The following RDH8 variants were observed in gnomAD, a reference collection of about 807,000 sequenced individuals.
RDH8 encodes the protein retinol dehydrogenase 8.
A neutral mutation model predicts 22.3 loss-of-function variants in RDH8; 14 were observed. The observed-to-expected ratio is 0.63, with a 90% CI of 0.42 to 0.98. The LOEUF is 0.98. Among genes scored for constraint, RDH8 ranks in the 50% least tolerant of loss-of-function variants. The pLI is 0.00. For missense variants in RDH8, 389 were observed against 409.8 expected, an observed-to-expected ratio of 0.95 and a Z score of 0.44; for synonymous variants, 175 against 171.7, an observed-to-expected ratio of 1.02 and a Z score of -0.15.
chr19:10,021,983 G>A lies in RDH8; in HGVS notation c.*234G>A. The A allele has an allele frequency of 1.8e-6, 1 of 561,566 alleles. No individual in the cohort carries two copies. The highest frequency in any genetic ancestry group is 3.1e-6 in the Non-Finnish European group (1 of 318,388). The allele number at this position is 561,566 out of a possible 1,614,324, so 34.8% of individuals were successfully genotyped here. On this transcript the variant is annotated 3_prime_UTR_variant, in exon 6 of 6. Coordinates refer to ENST00000591589, the MANE Select transcript of RDH8 (RefSeq NM_015725.4). ...CTGGGAACTTGGCCTGGGAAGCCCA[G>A]AGCAGGAAGCCACAGCTGTCTCTGG...
rs774350797 is a variant in RDH8 at position 10,013,546 on chromosome 19, A to G, written c.49A>G (p.Ile17Val). The G allele has an allele frequency of 1.2e-6, 2 of 1,610,274 alleles. No individual in the cohort carries two copies. The highest frequency in any genetic ancestry group is 3.3e-5 in the Admixed American group (2 of 59,704). ...TVLISGCSSG[I>V]GLELAVQLAH... ...GTTGATCTCCGGCTGCTCATCAGGA[A>G]TTGGTCTGGAACTTGCAGTGCAACT... Residue 17 changes from isoleucine to valine, a missense_variant, in exon 1 of 6, where the codon ATT (isoleucine) becomes GTT (valine). Physicochemically the swap from Ile to Val is conservative, Grantham distance 29. Transcript: ENST00000591589.
chr19:10,020,039 G>A (rs1043307666), intron 3 of RDH8, among the ~76,000 whole-genome samples: 17 of 151,916 alleles, frequency 1.1e-4, no homozygotes, highest in African/African-American at 4.1e-4. Context: ...TACTCAGGAG[G>A]CTGAGGCAGG....
Position 10,020,816 on chromosome 19 carries a change from G to T in RDH8, c.536+14G>T. On this transcript the variant is annotated intron_variant, in intron 4 of 5. Coordinates refer to ENST00000591589, the MANE Select transcript of RDH8 (RefSeq NM_015725.4). ...GTTCAACATCTTGTGAGGCGGGCACGTGGGCAGAGGGGGCTTGGAGCCAGT... is the reference window on the plus strand; with the variant it reads ...GTTCAACATCTTGTGAGGCGGGCACTTGGGCAGAGGGGGCTTGGAGCCAGT... 1 of 1,589,822 alleles carries T rather than the reference G, an allele frequency of 6.3e-7. No homozygotes were observed.
chr19:10,019,805 AAAAT>A (rs1004681953), intron 3 of RDH8, among the ~76,000 whole-genome samples: 2 of 135,962 alleles, frequency 1.5e-5, no homozygotes, highest in Non-Finnish European at 3.1e-5. Flanking sequence ...CTGTCTAAAA[AAAAT>A]AAATAAATAA....
chr19:10,019,849 A>G (rs1362192994), intron 3 of RDH8, among the ~76,000 whole-genome samples: 1 of 151,180 alleles, frequency 6.6e-6, no homozygotes, highest in African/African-American at 2.4e-5. Flanking sequence ...AAAAACAACA[A>G]CAAAACTTTG....
Position 10,022,085 on chromosome 19 carries a change from A to C in RDH8, c.*336A>C. Reference sequence around the variant, plus strand: ...GAAGAGACAGACTCTGCTACATTCAACCTCGTGACTTCATGATCCTGGGCC... The same window carrying C: ...GAAGAGACAGACTCTGCTACATTCACCCTCGTGACTTCATGATCCTGGGCC... On this transcript the variant is annotated 3_prime_UTR_variant, in exon 6 of 6. Transcript: ENST00000591589. The C allele has an allele frequency of 3.5e-6, 1 of 289,624 alleles. No homozygotes were observed. The highest frequency in any genetic ancestry group is 6.5e-6 in the Non-Finnish European group (1 of 153,052). 17.9% of individuals were successfully genotyped at this position (289,624 alleles called of 1,614,324 possible).
intron 1 of RDH8, 43 bp downstream of exon 1, chr19:10,013,643 C>T (rs376678046): frequency 8.7e-6 from 14 of 1,608,296 alleles, no homozygotes; most frequent in South Asian, 4.4e-5. Context: ...CGGGTGGAAA[C>T]GGCTTCCCCA....
intron 3 of RDH8, 26 bp from the exon 4 acceptor site, chr19:10,020,683 A>T (rs1436610491): frequency 6.5e-7 from 1 of 1,537,120 alleles, no homozygotes; most frequent in African/African-American, 1.4e-5. Context: ...ACCCTCAAAG[A>T]GCTCTCCTCC....
chr19:10,017,164 G>T lies in RDH8; in HGVS notation c.211G>T (p.Glu71Ter), dbSNP rs144177019. The T allele has an allele frequency of 1.4e-5, 23 of 1,611,134 alleles. No homozygotes were observed. In the African/African-American group the frequency reaches 1.6e-4, roughly 11 times the overall value. The part of the protein sequence containing the change: ...TVAQLDVCSD[E>*]SVAQCLSCIQ... ...GGCCCAGCTGGACGTGTGCAGTGAT[G>T]AGTCGGTGGCCCAGTGTCTCAGCTG... The change falls in exon 2 of 6, where the codon GAG (glutamate) becomes TAG (stop). Residue 71 changes from glutamate to a stop codon, truncating the protein, a stop_gained. Coordinates refer to ENST00000591589, the MANE Select transcript of RDH8 (RefSeq NM_015725.4). LOFTEE classifies it high-confidence loss of function.
In RDH8 at chr19:10,021,041, T is replaced by A. The variant is rs1455140908; in HGVS notation, c.537-214T>A. The A allele has an allele frequency of 8.0e-6, 5 of 623,564 alleles. No homozygotes were observed. In the African/African-American group the frequency reaches 9.3e-5, roughly 12 times the overall value. The allele number at this position is 623,564 out of a possible 1,614,324, so 38.6% of individuals were successfully genotyped here. The stretch of plus-strand genomic sequence containing the variant: ...TTTAAAAATTAGCCAAGGGTGGTGG[T>A]GTGTGTACCTGCAGTCCCAGCTACT... On this transcript the variant is annotated intron_variant, in intron 4 of 5. Coordinates refer to ENST00000591589, the MANE Select transcript of RDH8 (RefSeq NM_015725.4).
At chr19:10,020,687 C>T (rs2087651392) in intron 3 of RDH8, 22 bp from the exon 4 acceptor site, 2 of 1,561,214 alleles carry the variant, frequency 1.3e-6, no homozygotes, top group Non-Finnish European at 1.8e-6. Flanking sequence ...TCAAAGAGCT[C>T]TCCTCCCTCT....
chr19:10,013,851 G>A lies in RDH8; in HGVS notation c.103+251G>A, dbSNP rs183975595. On this transcript the variant is annotated intron_variant, in intron 1 of 5. Coordinates refer to ENST00000591589, the MANE Select transcript of RDH8 (RefSeq NM_015725.4). ...GACGGGTGTCATGTGGGGAGGAGAG[G>A]GAGAATGGGTGATAAACAGATAAAA... 7.3e-4 allele frequency among the ~76,000 whole-genome samples: 111 copies of A among 152,274 alleles called. No individual in the cohort carries two copies. In the Middle Eastern group the frequency reaches 0.02, roughly 28 times the overall value.
At chr19:10,016,992 C>G (rs2233792) in intron 1 of RDH8, 65 bp from the exon 2 acceptor site, 1 of 1,409,980 alleles carries the variant, frequency 7.1e-7, no homozygotes, top group Non-Finnish European at 9.4e-7. Flanking sequence ...ATCACAGACA[C>G]GTGGCGCCCA....
intron 4 of RDH8, chr19:10,021,047 T>C (rs1177623681): frequency 1.6e-6 from 1 of 629,028 alleles, no homozygotes; most frequent in Non-Finnish European, 2.8e-6. Context: ...GTGGTGTGTG[T>C]ACCTGCAGTC....
At position 10,016,910 on chromosome 19, in the gene RDH8, CT is replaced by C. The variant is rs1310221885; in HGVS notation, c.104-145del. Reference sequence around the variant, plus strand: ...GGAGATGCGTGTACACAAGTGTGCACTTGTTGGCTGAGTGATAAATGTAGGT... The same window carrying C: ...GGAGATGCGTGTACACAAGTGTGCACTGTTGGCTGAGTGATAAATGTAGGT... On this transcript the variant is annotated intron_variant, in intron 1 of 5. Transcript: ENST00000591589. 8.6e-6 allele frequency: 7 copies of C among 817,834 alleles called. No homozygotes were observed. In the Admixed American group the frequency reaches 9.1e-5, roughly 11 times the overall value. The allele number at this position is 817,834 out of a possible 1,614,324, so 50.7% of individuals were successfully genotyped here.
chr19:10,016,161 T>C (rs1212494041), intron 1 of RDH8, among the ~76,000 whole-genome samples: 1 of 138,796 alleles, frequency 7.2e-6, no homozygotes, highest in African/African-American at 2.8e-5. Flanking sequence ...ATTTATTTAT[T>C]TATTTTGAGA....
At chr19:10,018,684 A>T in intron 2 of RDH8, 47 bp from the exon 3 acceptor site, 1 of 1,474,210 alleles carries the variant, frequency 6.8e-7, no homozygotes, top group East Asian at 2.3e-5. Context: ...AAGTAATGCT[A>T]GAAGAGTGAG....
Position 10,020,720 on chromosome 19 carries a change from A to T in RDH8, c.454A>T (p.Asn152Tyr). 1.2e-6 allele frequency: 2 copies of T among 1,609,522 alleles called. No individual in the cohort carries two copies. The highest frequency in any genetic ancestry group is 1.3e-5 in the African/African-American group (1 of 74,972). Residue 152 changes from asparagine (N) to tyrosine (Y), a missense_variant, in exon 4 of 6, where the codon AAC becomes TAC. Asn to Tyr is a moderately radical substitution (Grantham distance 143). Transcript: ENST00000591589. ...TCTGACCCTCACAGGTGTCATCTTCAACGATGTCTATGCAGCTTCCAAGTT... is the reference window on the plus strand; with the variant it reads ...TCTGACCCTCACAGGTGTCATCTTCTACGATGTCTATGCAGCTTCCAAGTT... ...SVMGLQGVIFNDVYAASKFAL... is the reference protein window; with the variant it reads ...SVMGLQGVIFYDVYAASKFAL...
Position 10,021,238 on chromosome 19 carries a change from C to A in RDH8, c.537-17C>A, listed in dbSNP as rs1190039950. Reference sequence around the variant, plus strand: ...GGTTGGGGCATCAGACTTACACTACCCATGCCTGGTCGCCAGCATCTCCCT... The same window carrying A: ...GGTTGGGGCATCAGACTTACACTACACATGCCTGGTCGCCAGCATCTCCCT... On this transcript the variant is annotated splice_polypyrimidine_tract_variant and intron_variant, in intron 4 of 5. Coordinates refer to ENST00000591589, the MANE Select transcript of RDH8 (RefSeq NM_015725.4). The A allele has an allele frequency of 6.2e-7, 1 of 1,613,518 alleles. No homozygotes were observed. The highest frequency in any genetic ancestry group is 8.5e-7 in the Non-Finnish European group (1 of 1,179,760).
Sources: gnomAD v4.1 joint callset for allele counts (sites outside exome capture counted in the v4.1 genomes callset) on GRCh38, gnomAD v4.1.1 for gene constraint, MANE v1.5 for transcripts, NCBI Gene and HGNC (gene_info 2026-07-23, HGNC 2026-07-21) for gene names.